The following PIP5K1C variants were observed in gnomAD, a reference collection of about 807,000 sequenced individuals.
The protein encoded by PIP5K1C is phosphatidylinositol-4-phosphate 5-kinase type 1 gamma.
Under a neutral mutation model 80.1 loss-of-function variants are expected in PIP5K1C, and 45 were observed. That is an observed-to-expected ratio of 0.56 (90% confidence interval 0.44 to 0.72). The LOEUF is 0.72. PIP5K1C is among the 30% of genes least tolerant of loss of function. The pLI is 0.00. For missense variants in PIP5K1C, 753 were observed against 954.6 expected, an observed-to-expected ratio of 0.79 and a Z score of 2.78; for synonymous variants, 498 against 420.1, an observed-to-expected ratio of 1.19 and a Z score of -2.27.
In PIP5K1C at chr19:3,656,573, G is replaced by A; in HGVS notation, c.469-16C>T. 2 of 1,612,808 alleles carry A rather than the reference G, an allele frequency of 1.2e-6. No individual in the cohort carries two copies. Among genetic ancestry groups the A allele is most frequent in the Middle Eastern group, 1.7e-4 (1 of 5,976 alleles). On this transcript the variant is annotated splice_polypyrimidine_tract_variant and intron_variant, in intron 5 of 17. Transcript: ENST00000335312. ...ACAGGGAGTACTGGAAGCAGAGGAG[G>A]CGGGTCAGCGGGCCCCAAGCTGCCG...
At chr19:3,691,191 G>T (rs913422124) in intron 1 of PIP5K1C, among the ~76,000 whole-genome samples, 6 of 152,254 alleles carry the variant, frequency 3.9e-5, no homozygotes, top group African/African-American at 1.4e-4. Flanking sequence ...ACGCAGTGAG[G>T]GAAGAAGTCG....
chr19:3,647,238 G>A (rs1274499395), intron 10 of PIP5K1C, 100 bp downstream of exon 10: 5 of 1,038,276 alleles, frequency 4.8e-6, no homozygotes, highest in South Asian at 4.1e-5. Context: ...GGAGGAGGGT[G>A]CAGGCACTCA....
intron 3 of PIP5K1C, among the ~76,000 whole-genome samples, chr19:3,664,418 G>C (rs1054634764): frequency 1.3e-5 from 2 of 152,110 alleles, no homozygotes; most frequent in African/African-American, 4.8e-5. Context: ...GTGGGGGTGG[G>C]AACAGAGTGG....
chr19:3,641,716 C>T lies in PIP5K1C; in HGVS notation c.1776G>A (p.Glu592=), dbSNP rs770209947. The change falls in exon 15 of 18, where the codon GAG becomes GAA. Residue 592 remains glutamate (E), a synonymous_variant. Transcript: ENST00000335312. The stretch of plus-strand genomic sequence containing the variant: ...GAGGCCGTGCTCACCCTGCGTCCTC[C>T]TCTTTGGGGACCACAATCTCCACGC... ...ACSVEIVVPK[E]EDAGVEASPA... is the part of the protein sequence containing the mutation. The T allele has an allele frequency of 6.2e-6, 10 of 1,608,708 alleles. No homozygotes were observed. The South Asian group carries it at 8.8e-5, about 14-fold the overall frequency.
intron 15 of PIP5K1C, among the ~76,000 whole-genome samples, chr19:3,639,883 T>C (rs2033891263): frequency 6.6e-6 from 1 of 152,154 alleles, no homozygotes; most frequent in Non-Finnish European, 1.5e-5. Flanking sequence ...AGGAACGGCC[T>C]TGGCCTTGGC....
intron 1 of PIP5K1C, among the ~76,000 whole-genome samples, chr19:3,686,112 C>A (rs916030156): frequency 2.0e-5 from 3 of 152,232 alleles, no homozygotes; most frequent in Non-Finnish European, 4.4e-5. Flanking sequence ...CCTGGCCTCC[C>A]GAAGCACTGG....
chr19:3,694,462 G>A (rs1600098898), intron 1 of PIP5K1C, among the ~76,000 whole-genome samples: 1 of 152,114 alleles, frequency 6.6e-6, no homozygotes, highest in African/African-American at 2.4e-5. Flanking sequence ...CCAGCTCCAG[G>A]GCCCAGGCCA....
intron 2 of PIP5K1C, among the ~76,000 whole-genome samples, chr19:3,666,203 G>T (rs2035001843): frequency 6.6e-6 from 1 of 152,168 alleles, no homozygotes; most frequent in Non-Finnish European, 1.5e-5. Flanking sequence ...TGGCCCAGGT[G>T]GGACAGGTGC....
chr19:3,632,087 C>G lies in PIP5K1C; in HGVS notation c.*1080G>C, dbSNP rs1051673935. On this transcript the variant is annotated 3_prime_UTR_variant, in exon 18 of 18. Transcript: ENST00000335312. ...GTCCCACCACTGGGAGCGCTGCCCTCTTGGAGGGTGATGAGTCGGAAACAA... is the reference window on the plus strand; with the variant it reads ...GTCCCACCACTGGGAGCGCTGCCCTGTTGGAGGGTGATGAGTCGGAAACAA... The G allele has an allele frequency of 6.6e-6, 1 of 152,298 alleles. No homozygotes were observed. The highest frequency in any genetic ancestry group is 1.5e-5 in the Non-Finnish European group (1 of 68,078). The allele number at this position is 152,298 out of a possible 1,614,324, so 9.4% of individuals were successfully genotyped here.
At chr19:3,673,058 G>A (rs1279262326) in intron 1 of PIP5K1C, among the ~76,000 whole-genome samples, 2 of 77,302 alleles carry the variant, frequency 2.6e-5, no homozygotes, top group South Asian at 4.7e-4. Context: ...GGTCTCCCCA[G>A]GCCTCACTGC....
chr19:3,687,993 G>A lies in PIP5K1C; in HGVS notation c.94+12304C>T, dbSNP rs976982680. ...TCAGCACCAAGCTCCCGGGCGGGCCGGGGCAGGAGGCTGTGGGGCGTGGCC... is the reference window on the plus strand; with the variant it reads ...TCAGCACCAAGCTCCCGGGCGGGCCAGGGCAGGAGGCTGTGGGGCGTGGCC... On this transcript the variant is annotated intron_variant, in intron 1 of 17. Coordinates refer to ENST00000335312, the MANE Select transcript of PIP5K1C (RefSeq NM_012398.3). Among the ~76,000 whole-genome samples the A allele has an allele frequency of 1.6e-4, 24 of 152,340 alleles. 1 individual carries two copies. Among genetic ancestry groups the A allele is most frequent in the South Asian group, 6.2e-4 (3 of 4,826 alleles).
chr19:3,683,864 T>G (rs1453228441), intron 1 of PIP5K1C, among the ~76,000 whole-genome samples: 4 of 133,562 alleles, frequency 3.0e-5, no homozygotes, highest in African/African-American at 8.5e-5. Context: ...CCGCTTCCCC[T>G]CCCGGGCAGT....
At chr19:3,660,864 A>G in intron 5 of PIP5K1C, 102 bp downstream of exon 5, 3 of 873,458 alleles carry the variant, frequency 3.4e-6, no homozygotes, top group Non-Finnish European at 5.8e-6. Flanking sequence ...CTACACGAGG[A>G]ACCCAGGGAG....
chr19:3,646,945 G>C (rs75850532), intron 10 of PIP5K1C, among the ~76,000 whole-genome samples: 5,428 of 143,278 alleles, frequency 0.038, 189 homozygotes, highest in East Asian at 0.19. Context: ...CACTCACAGA[G>C]GGAGGAGGGA....
chr19:3,647,965 A>G (rs532071796), intron 9 of PIP5K1C, among the ~76,000 whole-genome samples: 3 of 152,052 alleles, frequency 2.0e-5, no homozygotes, highest in African/African-American at 7.2e-5. Flanking sequence ...CAAATGAAAA[A>G]CCAAAAAACA....
chr19:3,692,065 G>A lies in PIP5K1C; in HGVS notation c.94+8232C>T, dbSNP rs1480124296. 6.6e-6 allele frequency among the ~76,000 whole-genome samples: 1 copy of A among 152,182 alleles called. No individual in the cohort carries two copies. Among genetic ancestry groups the A allele is most frequent in the Non-Finnish European group, 1.5e-5 (1 of 68,012 alleles). On this transcript the variant is annotated intron_variant, in intron 1 of 17. Coordinates refer to ENST00000335312, the MANE Select transcript of PIP5K1C (RefSeq NM_012398.3). The surrounding 1 kb of genome is among the most constrained non-coding windows in gnomAD (Gnocchi z 5.2). ...GAAGGGTGCACAGTGGGAGCTGCCC[G>A]CTCACGTCCCTGTCCCCACTCCCTG...
Position 3,637,006 on chromosome 19 carries a change from G to A in PIP5K1C, c.1920+1878C>T. On this transcript the variant is annotated intron_variant, in intron 16 of 17. Transcript: ENST00000335312. This position sits in a 1 kb window ranked among gnomAD's most constrained non-coding sequence, Gnocchi z 7.0. ...CGTGTGGTCTCCCAGGCTCCCAGGGGAGCCGAGGCCTCAGCGCCTCCATCT... is the reference window on the plus strand; with the variant it reads ...CGTGTGGTCTCCCAGGCTCCCAGGGAAGCCGAGGCCTCAGCGCCTCCATCT... 9.6e-7 allele frequency: 1 copy of A among 1,038,526 alleles called. No individual in the cohort carries two copies. The allele number at this position is 1,038,526 out of a possible 1,614,324, so 64.3% of individuals were successfully genotyped here. A position where few individuals can be genotyped will look rare whatever the true frequency, so the allele number is the denominator to read the frequency against.
Position 3,696,995 on chromosome 19 carries a change from G to C in PIP5K1C, c.94+3302C>G, listed in dbSNP as rs1217583079. ...TGGACCGAGGAGGACTGAGCTGGACGGAGGAGGATCGAGCTGGACCGAGGA... is the reference window on the plus strand; with the variant it reads ...TGGACCGAGGAGGACTGAGCTGGACCGAGGAGGATCGAGCTGGACCGAGGA... On this transcript the variant is annotated intron_variant, in intron 1 of 17. Coordinates refer to ENST00000335312, the MANE Select transcript of PIP5K1C (RefSeq NM_012398.3). The surrounding 1 kb of genome is among the most constrained non-coding windows in gnomAD (Gnocchi z 4.1). 6.6e-6 allele frequency among the ~76,000 whole-genome samples: 1 copy of C among 151,126 alleles called. No individual in the cohort carries two copies. Among genetic ancestry groups the C allele is most frequent in the Non-Finnish European group, 1.5e-5 (1 of 67,652 alleles).
At chr19:3,687,565 ACATGCACACGCACACACATG>A (rs1054302535) in intron 1 of PIP5K1C, among the ~76,000 whole-genome samples, 111 of 152,170 alleles carry the variant, frequency 7.3e-4, no homozygotes, top group African/African-American at 2.5e-3. Flanking sequence ...ACACGCACAC[ACATGCACACGCACACACATG>A]CAGATACACA....
Sources: gnomAD v4.1 joint callset for allele counts (sites outside exome capture counted in the v4.1 genomes callset) on GRCh38, gnomAD v4.1.1 for gene constraint, Gnocchi (gnomAD v3.1) non-coding constraint, MANE v1.5 for transcripts, NCBI Gene and HGNC (gene_info 2026-07-23, HGNC 2026-07-21) for gene names.